Variants in GRB10 observed in about 807,000 individuals in gnomAD.
The protein encoded by GRB10 is growth factor receptor bound protein 10, also known as growth factor receptor-bound protein 10.
A neutral mutation model predicts 80.9 loss-of-function variants in GRB10; 20 were observed. The ratio of observed to expected loss-of-function variants is 0.25; its 90% CI spans 0.17 to 0.36. The LOEUF (loss-of-function observed/expected upper bound fraction) is 0.36, where lower values mean the gene tolerates loss of function less well. GRB10 is among the 10% of genes least tolerant of loss of function. The probability of loss-of-function intolerance (pLI) is 1.00; values close to 1 mark genes in which losing one functional copy is unlikely to be tolerated. For missense variants in GRB10, 548 were observed against 747.7 expected, an observed-to-expected ratio of 0.73 and a Z score of 3.12; for synonymous variants, 291 against 291.5, an observed-to-expected ratio of 1.00 and a Z score of 0.02.
intron 1 of GRB10, chr7:50,792,900 C>G (rs971545953): frequency 6.7e-6 from 1 of 148,348 alleles, no homozygotes; most frequent in Non-Finnish European, 1.5e-5. Context: ...GAATGCACCG[C>G]TTGGACTCCA....
intron 7 of GRB10, among the ~76,000 whole-genome samples, chr7:50,633,000 C>T (rs565698657): frequency 1.3e-5 from 2 of 152,226 alleles, no homozygotes; most frequent in African/African-American, 2.4e-5. Context: ...CTGGGAATCC[C>T]GCCCATGGCC....
chr7:50,705,662 TTG>T (rs1393508591), intron 4 of GRB10, among the ~76,000 whole-genome samples: 1 of 152,196 alleles, frequency 6.6e-6, no homozygotes, highest in Non-Finnish European at 1.5e-5. Context: ...CTTCCACATA[TTG>T]TGTTTTAATA....
chr7:50,783,902 G>A (rs1310409648), upstream of GRB10, among the ~76,000 whole-genome samples: 1 of 152,184 alleles, frequency 6.6e-6, no homozygotes, highest in East Asian at 1.9e-4. Context: ...GAAGGTCACT[G>A]GAGGAGGAGG....
chr7:50,673,193 C>G (rs1346791914), intron 6 of GRB10, among the ~76,000 whole-genome samples: 1 of 152,154 alleles, frequency 6.6e-6, no homozygotes, highest in East Asian at 1.9e-4. Context: ...ACAGAAGGCA[C>G]CAGAACCCCA....
At chr7:50,696,337 A>G (rs2063419184) in intron 5 of GRB10, among the ~76,000 whole-genome samples, 1 of 152,192 alleles carries the variant, frequency 6.6e-6, no homozygotes, top group Non-Finnish European at 1.5e-5. Flanking sequence ...CATGGCAGAC[A>G]TGATATCCTG....
chr7:50,716,212 C>T (rs2066849790), intron 4 of GRB10, among the ~76,000 whole-genome samples: 1 of 152,192 alleles, frequency 6.6e-6, no homozygotes, highest in Non-Finnish European at 1.5e-5. Context: ...ACGCATGGGA[C>T]ACAAGACAGC....
At chr7:50,618,995 A>G (rs1477131517) in intron 9 of GRB10, among the ~76,000 whole-genome samples, 175 bp downstream of exon 9, 1 of 152,226 alleles carries the variant, frequency 6.6e-6, no homozygotes, top group African/African-American at 2.4e-5. Flanking sequence ...CATTTAGTGA[A>G]GCATGAGACT....
chr7:50,767,210 A>C (rs74771217), intron 2 of GRB10, among the ~76,000 whole-genome samples: 3,176 of 152,246 alleles, frequency 0.021, 125 homozygotes, highest in African/African-American at 0.072. Flanking sequence ...CGGGAAGTCC[A>C]AGGCAGGAAT....
At chr7:50,621,239 A>G (rs1023399472) in intron 8 of GRB10, among the ~76,000 whole-genome samples, 1 of 152,230 alleles carries the variant, frequency 6.6e-6, no homozygotes, top group Admixed American at 6.5e-5. Flanking sequence ...GTGTAAACAC[A>G]CAGGGGGACG....
At chr7:50,633,851 AAAC>A (rs775307091) in intron 7 of GRB10, among the ~76,000 whole-genome samples, 6 of 152,234 alleles carry the variant, frequency 3.9e-5, no homozygotes, top group Admixed American at 1.3e-4. Context: ...AGATAAGAAG[AAAC>A]AACAATTTTT....
intron 17 of GRB10, among the ~76,000 whole-genome samples, chr7:50,601,125 C>T (rs1221701471): frequency 1.3e-5 from 2 of 152,204 alleles, no homozygotes; most frequent in South Asian, 2.1e-4. Context: ...AACTGCGCAG[C>T]GCAGTACTTG....
At chr7:50,726,813 A>G (rs2068729956) in intron 4 of GRB10, 1 of 152,220 alleles carries the variant, frequency 6.6e-6, no homozygotes, top group Non-Finnish European at 1.5e-5. Flanking sequence ...GTTTTATTAT[A>G]ATAATTCTGA....
chr7:50,726,232 T>C (rs958087110), intron 4 of GRB10, among the ~76,000 whole-genome samples: 13 of 152,132 alleles, frequency 8.5e-5, no homozygotes, highest in Non-Finnish European at 1.9e-4. Context: ...ACCCCATCTC[T>C]GCTAAAAATA....
At chr7:50,707,828 C>T (rs1038349380) in intron 4 of GRB10, among the ~76,000 whole-genome samples, 15 of 152,210 alleles carry the variant, frequency 9.9e-5, no homozygotes, top group Non-Finnish European at 2.1e-4. Context: ...AAGCCCCTTG[C>T]GTGCTTCCTG....
chr7:50,636,921 T>G (rs2055156105), intron 7 of GRB10, among the ~76,000 whole-genome samples: 1 of 152,182 alleles, frequency 6.6e-6, no homozygotes, highest in African/African-American at 2.4e-5. Flanking sequence ...GTATCCACAT[T>G]GAAGAAGAGA....
chr7:50,757,656 T>C (rs974772920), intron 2 of GRB10, among the ~76,000 whole-genome samples: 1 of 152,250 alleles, frequency 6.6e-6, no homozygotes, highest in Admixed American at 6.5e-5. Context: ...TAAGTTCTAG[T>C]AGCTTAAGTG....
At chr7:50,790,805 A>G (rs78956719) in intron 1 of GRB10, among the ~76,000 whole-genome samples, 5,480 of 152,356 alleles carry the variant, frequency 0.036, 324 homozygotes, top group African/African-American at 0.13. Flanking sequence ...CAGCTCTAAA[A>G]TGAAGCTGAA....
chr7:50,609,693 A>C (rs1212300828), intron 13 of GRB10, among the ~76,000 whole-genome samples: 1 of 152,224 alleles, frequency 6.6e-6, no homozygotes, highest in Non-Finnish European at 1.5e-5. Flanking sequence ...TTTCTACAGT[A>C]GATTAAGAGA....
At position 50,749,857 on chromosome 7, in the gene GRB10, T is replaced by C. The variant is rs529201707; in HGVS notation, c.-47+6030A>G. 4.6e-5 allele frequency among the ~76,000 whole-genome samples: 7 copies of C among 152,364 alleles called. No homozygotes were observed. In the South Asian group the frequency reaches 1.4e-3, roughly 32 times the overall value. ...CTCTATTACTTCTGAAAGCATGAAA[T>C]GCTTTAAATGTAGGTATTCAAGCAC... On this transcript the variant is annotated intron_variant, in intron 3 of 18. Transcript: ENST00000401949.
Sources: gnomAD v4.1 joint callset for allele counts (sites outside exome capture counted in the v4.1 genomes callset) on GRCh38, gnomAD v4.1.1 for gene constraint, MANE v1.5 for transcripts, NCBI Gene and HGNC (gene_info 2026-07-23, HGNC 2026-07-21) for gene names.